Variants in SORBS3 observed in about 807,000 individuals in gnomAD.
The protein encoded by SORBS3 is vinexin.
A neutral mutation model predicts 98.0 loss-of-function variants in SORBS3; 69 were observed. The observed-to-expected ratio is 0.70, with a 90% CI of 0.58 to 0.86. The LOEUF is 0.86. Ranked by LOEUF, SORBS3 falls within the 40% of genes least tolerant of loss-of-function variation. The pLI, the probability that SORBS3 is intolerant of heterozygous loss-of-function variation, is 0.00. For missense variants in SORBS3, 954 were observed against 908.5 expected, an observed-to-expected ratio of 1.05 and a Z score of -0.64; for synonymous variants, 394 against 355.4, an observed-to-expected ratio of 1.11 and a Z score of -1.22.
intron 20 of SORBS3, among the ~76,000 whole-genome samples, chr8:22,573,785 T>A (rs1037943747): frequency 6.6e-6 from 1 of 152,264 alleles, no homozygotes; most frequent in Non-Finnish European, 1.5e-5. Context: ...CATTTCAGTT[T>A]ATATTCCTAT....
At position 22,569,178 on chromosome 8, in the gene SORBS3, A is replaced by G. The variant is rs760170920; in HGVS notation, c.1336A>G (p.Ile446Val). 7 of 1,610,762 alleles carry G rather than the reference A, an allele frequency of 4.3e-6. No individual in the cohort carries two copies. Among genetic ancestry groups the G allele is most frequent in the East Asian group, 4.5e-5 (2 of 44,556 alleles). Residue 446 changes from isoleucine to valine, a missense_variant, in exon 17 of 21, where the codon ATC becomes GTC. Coordinates refer to ENST00000240123, the MANE Select transcript of SORBS3 (RefSeq NM_005775.5). ...VLPADEIPKP[I>V]KPPTYQVLEY... The stretch of plus-strand genomic sequence containing the variant: ...GCCCGCAGATGAGATCCCTAAGCCC[A>G]TCAAGCCCCCGACCTACCAGGTGCT...
At chr8:22,552,390 C>T (rs371668809) in intron 1 of SORBS3, among the ~76,000 whole-genome samples, 55 of 152,326 alleles carry the variant, frequency 3.6e-4, no homozygotes, top group African/African-American at 1.3e-3. Flanking sequence ...CTGGGAGGAC[C>T]CCTCCGCTCT....
intron 12 of SORBS3, chr8:22,566,122 G>T: frequency 1.6e-6 from 1 of 609,884 alleles, no homozygotes; most frequent in Non-Finnish European, 2.5e-6. Context: ...GGTTAGGGCG[G>T]CCCCGCCACG....
intron 7 of SORBS3, among the ~76,000 whole-genome samples, chr8:22,563,118 CA>C (rs397956699): frequency 2.3e-3 from 310 of 134,848 alleles, no homozygotes; most frequent in South Asian, 0.012. Flanking sequence ...GACTCCGTAT[CA>C]AAAAAAAAAA....
In SORBS3 at chr8:22,574,677, G is replaced by C. The variant is rs1840683200; in HGVS notation, c.1965G>C (p.Arg655=). The part of the protein sequence containing the change: ...CDDGWFVGVS[R]RTQKFGTFPG... ...CCTTTCCTCTTTCAGGTGTCTCCCG[G>C]AGGACCCAGAAATTCGGAACGTTCC... Residue 655 remains arginine, a synonymous_variant, in exon 21 of 21, where the codon CGG becomes CGC. Coordinates refer to ENST00000240123, the MANE Select transcript of SORBS3 (RefSeq NM_005775.5). 6.2e-7 allele frequency: 1 copy of C among 1,612,430 alleles called. No individual in the cohort carries two copies. Among genetic ancestry groups the C allele is most frequent in the Non-Finnish European group, 8.5e-7 (1 of 1,179,208 alleles).
intron 5 of SORBS3, 140 bp downstream of exon 5, chr8:22,558,332 G>A (rs1226413645): frequency 3.9e-6 from 3 of 773,530 alleles, no homozygotes; most frequent in East Asian, 5.3e-5. Context: ...GAGTAGTCCT[G>A]AAAATAGGCA....
At chr8:22,551,136 C>A (rs1434187181), upstream of SORBS3, among the ~76,000 whole-genome samples, 2 of 151,140 alleles carry the variant, frequency 1.3e-5, no homozygotes, top group African/African-American at 4.9e-5. The surrounding 1 kb of genome is among the most constrained non-coding windows in gnomAD (Gnocchi z 5.8). Context: ...GCCAAAGGGA[C>A]CCCACCCTTA....
intron 1 of SORBS3, chr8:22,545,463 T>G (rs998553357): frequency 1.3e-5 from 2 of 152,268 alleles, no homozygotes; most frequent in Non-Finnish European, 2.9e-5. Context: ...ATGGGGTCAG[T>G]GTTAGCTGCC....
chr8:22,553,096 C>G (rs1840116435), intron 1 of SORBS3, among the ~76,000 whole-genome samples: 1 of 152,074 alleles, frequency 6.6e-6, no homozygotes, highest in Admixed American at 6.6e-5. Flanking sequence ...GTCATCCCAG[C>G]CTTATTCTAC....
chr8:22,571,857 G>A, intron 19 of SORBS3, 36 bp downstream of exon 19: 1 of 1,460,322 alleles, frequency 6.8e-7, no homozygotes, highest in South Asian at 1.1e-5. Flanking sequence ...TCAGACGTGG[G>A]GGGGGTCACT....
At chr8:22,565,243 C>A in intron 10 of SORBS3, 25 bp from the exon 11 acceptor site, 1 of 1,543,216 alleles carries the variant, frequency 6.5e-7, no homozygotes, top group Non-Finnish European at 8.8e-7. Flanking sequence ...CTGCCCCTCA[C>A]TGCCCAGCCT....
In SORBS3 at chr8:22,565,118, A is replaced by G; in HGVS notation, c.817-150A>G. 3 of 1,461,036 alleles carry G rather than the reference A, an allele frequency of 2.1e-6. No homozygotes were observed. In the South Asian group the frequency reaches 4.1e-5, roughly 20 times the overall value. 90.5% of individuals were successfully genotyped at this position (1,461,036 alleles called of 1,614,324 possible). A position where few individuals can be genotyped will look rare whatever the true frequency, so the allele number is the denominator to read the frequency against. ...ATGCCCTCTTGGCACCCTGGGCCACACCTCCTGGCAGGAGCCCGGCCCGTG... is the reference window on the plus strand; with the variant it reads ...ATGCCCTCTTGGCACCCTGGGCCACGCCTCCTGGCAGGAGCCCGGCCCGTG... On this transcript the variant is annotated intron_variant, in intron 10 of 20. Coordinates refer to ENST00000240123, the MANE Select transcript of SORBS3 (RefSeq NM_005775.5).
At chr8:22,560,864 TGTGTGTGTGC>T (rs879393856) in intron 5 of SORBS3, 13,571 of 135,488 alleles carry the variant, frequency 0.1, 726 homozygotes, top group Admixed American at 0.17. Context: ...TGTGTGTGTG[TGTGTGTGTGC>T]GCGCGCGCAC....
Position 22,571,004 on chromosome 8 carries a change from A to G in SORBS3, c.1526A>G (p.Tyr509Cys), listed in dbSNP as rs951340622. The change falls in exon 18 of 21, where the codon TAC becomes TGC. Residue 509 changes from tyrosine to cysteine, a missense_variant. Transcript: ENST00000240123. ...TGRQGIFPAS[Y>C]VQVSREPRLR... ...CGCCAAGGCATATTCCCTGCCAGCT[A>G]CGTGCAGGTGTCTCGTGAACCCCGG... 4 of 1,613,590 alleles carry G rather than the reference A, an allele frequency of 2.5e-6. No homozygotes were observed. Among genetic ancestry groups the G allele is most frequent in the Non-Finnish European group, 3.4e-6 (4 of 1,179,944 alleles).
intron 3 of SORBS3, among the ~76,000 whole-genome samples, 194 bp downstream of exon 3, chr8:22,555,174 T>C (rs900272): frequency 0.026 from 3,950 of 152,222 alleles, 173 homozygotes; most frequent in African/African-American, 0.09. Context: ...AGACACCCGC[T>C]TGGGGAGAGC....
Position 22,567,080 on chromosome 8 carries a change from G to A in SORBS3, c.1210G>A (p.Gly404Ser). ...CTGCAGGGAGCTGACTCTGCAGAAG[G>A]GTGACATTGTCTACATCCACAAGGA... ...QSPKELTLQK[G>S]DIVYIHKEVD... The change falls in exon 16 of 21, where the codon GGT becomes AGT. Residue 404 changes from glycine to serine, a missense_variant. Transcript: ENST00000240123. The A allele has an allele frequency of 6.2e-7, 1 of 1,613,270 alleles. No individual in the cohort carries two copies. Among genetic ancestry groups the A allele is most frequent in the African/African-American group, 1.3e-5 (1 of 75,052 alleles).
chr8:22,565,145 G>T, intron 10 of SORBS3, 123 bp from the exon 11 acceptor site: 1 of 1,473,036 alleles, frequency 6.8e-7, no homozygotes, highest in Non-Finnish European at 9.1e-7. Flanking sequence ...CGGCCCGTGC[G>T]CTGAGGCCTG....
chr8:22,559,148 G>A (rs777500742), intron 5 of SORBS3, among the ~76,000 whole-genome samples: 4 of 152,172 alleles, frequency 2.6e-5, no homozygotes, highest in Non-Finnish European at 5.9e-5. Context: ...GGTGGAACCA[G>A]TTCCCTTGCC....
At chr8:22,551,423 G>GC (rs2117198179), upstream of SORBS3, among the ~76,000 whole-genome samples, 2 of 152,110 alleles carry the variant, frequency 1.3e-5, no homozygotes, top group East Asian at 3.9e-4. This position sits in a 1 kb window ranked among gnomAD's most constrained non-coding sequence, Gnocchi z 5.8. Flanking sequence ...CACCACTCCT[G>GC]CCCCCTTGTC....
Sources: allele counts gnomAD v4.1 joint callset (sites outside exome capture counted in the v4.1 genomes callset), GRCh38; gene constraint gnomAD v4.1.1; non-coding constraint Gnocchi (gnomAD v3.1); transcripts MANE v1.5; gene names NCBI Gene and HGNC (gene_info 2026-07-23, HGNC 2026-07-21).